LTBP2: variants seen among roughly 807,000 people sequenced by gnomAD.
The protein encoded by LTBP2 is latent transforming growth factor beta binding protein 2, also known as latent-transforming growth factor beta-binding protein 2.
A neutral mutation model predicts 210.6 loss-of-function variants in LTBP2; 103 were observed. That is an observed-to-expected ratio of 0.49 (90% CI 0.42 to 0.58). The LOEUF is 0.58. Ranked by LOEUF, LTBP2 falls within the 20% of genes least tolerant of loss-of-function variation. LTBP2 has a pLI of 0.00. For synonymous variants in LTBP2, 1,007 were observed against 1,015.0 expected (o/e 0.99, Z 0.15); for missense variants, 2,313 against 2,494.5 (o/e 0.93, Z 1.55).
intron 3 of LTBP2, among the ~76,000 whole-genome samples, chr14:74,583,065 T>G (rs1056348331): frequency 9.8e-5 from 15 of 152,288 alleles, no homozygotes; most frequent in African/African-American, 3.6e-4. Context: ...CTGGACAGCA[T>G]CAGTCCACAT....
At chr14:74,570,079 C>A (rs1189125636) in intron 3 of LTBP2, among the ~76,000 whole-genome samples, 1 of 151,954 alleles carries the variant, frequency 6.6e-6, no homozygotes, top group Admixed American at 6.5e-5. Flanking sequence ...AGGGACCTGG[C>A]AAGTGCTACA....
chr14:74,607,533 G>A (rs1037700127), intron 1 of LTBP2, among the ~76,000 whole-genome samples: 4 of 152,068 alleles, frequency 2.6e-5, no homozygotes, highest in Admixed American at 2.0e-4. Flanking sequence ...TCATCTAAAT[G>A]TCCAAAAACA....
intron 4 of LTBP2, among the ~76,000 whole-genome samples, chr14:74,554,244 A>G (rs1440653471): frequency 1.3e-5 from 2 of 152,188 alleles, no homozygotes; most frequent in Non-Finnish European, 2.9e-5. Context: ...TCACGCCTGC[A>G]GTCCCAGTAC....
At chr14:74,605,559 G>A (rs2088514314) in intron 1 of LTBP2, among the ~76,000 whole-genome samples, 1 of 152,210 alleles carries the variant, frequency 6.6e-6, no homozygotes, top group African/African-American at 2.4e-5. Context: ...CCCTTGTGGT[G>A]GTGACAAGAC....
intron 13 of LTBP2, 145 bp downstream of exon 13, chr14:74,527,202 G>T: frequency 1.9e-6 from 2 of 1,028,480 alleles, no homozygotes; most frequent in South Asian, 1.4e-5. Flanking sequence ...CCTCCCACTT[G>T]GTCATCTCTT....
At position 74,508,697 on chromosome 14, in the gene LTBP2, C is replaced by T. The variant is rs752025206; in HGVS notation, c.3559G>A (p.Ala1187Thr). 13 of 1,613,576 alleles carry T rather than the reference C, an allele frequency of 8.1e-6. 1 individual carries two copies. The highest frequency in any genetic ancestry group is 4.4e-5 in the South Asian group (4 of 91,092). Reference sequence around the variant, plus strand: ...CTGTTGAGGCACTCGCCGTGGGGTGCGCAGTGCTCCTCCCCCATGCACTCA... The same window carrying T: ...CTGTTGAGGCACTCGCCGTGGGGTGTGCAGTGCTCCTCCCCCATGCACTCA... ...VNECMGEEHC[A>T]PHGECLNSHG... is the part of the protein sequence containing the mutation. The change falls in exon 24 of 36, where the codon GCA becomes ACA. Residue 1187 changes from alanine (A) to threonine (T), a missense_variant. This residue lies in a region of LTBP2 where 1,867 missense variants were observed against 1,976.9 expected (regional missense o/e 0.94). Coordinates refer to ENST00000261978, the MANE Select transcript of LTBP2 (RefSeq NM_000428.3).
chr14:74,547,486 T>A (rs892302021), intron 8 of LTBP2, among the ~76,000 whole-genome samples: 1 of 152,136 alleles, frequency 6.6e-6, no homozygotes. Context: ...GTTTCTCAGC[T>A]GCACCACTCC....
intron 3 of LTBP2, among the ~76,000 whole-genome samples, chr14:74,565,490 G>A (rs1258985022): frequency 6.6e-6 from 1 of 152,188 alleles, no homozygotes; most frequent in Non-Finnish European, 1.5e-5. Flanking sequence ...GGATGCAAGG[G>A]CTATTTCAGA....
At chr14:74,593,695 G>A (rs1048536771) in intron 2 of LTBP2, among the ~76,000 whole-genome samples, 3 of 152,116 alleles carry the variant, frequency 2.0e-5, no homozygotes, top group African/African-American at 7.2e-5. Context: ...CCCACATGTG[G>A]CTCAGGGCTA....
intron 3 of LTBP2, among the ~76,000 whole-genome samples, chr14:74,581,903 GCCA>G (rs1209235899): frequency 2.6e-5 from 4 of 152,088 alleles, no homozygotes; most frequent in African/African-American, 9.7e-5. Context: ...CCTGCTGGAA[GCCA>G]CCACCACAGG....
intron 2 of LTBP2, among the ~76,000 whole-genome samples, chr14:74,587,022 G>T (rs2088215337): frequency 6.6e-6 from 1 of 152,176 alleles, no homozygotes. Context: ...CAGCTCCCCA[G>T]GCTGACTCCT....
At chr14:74,518,953 A>G (rs2087168011) in intron 17 of LTBP2, among the ~76,000 whole-genome samples, 1 of 152,244 alleles carries the variant, frequency 6.6e-6, no homozygotes, top group Non-Finnish European at 1.5e-5. Context: ...CCCTGAGGTC[A>G]GGACGACTGT....
intron 3 of LTBP2, among the ~76,000 whole-genome samples, chr14:74,556,640 C>T (rs1437901380): frequency 6.6e-6 from 1 of 152,192 alleles, no homozygotes; most frequent in East Asian, 1.9e-4. Context: ...CCTCAGCCTC[C>T]CCAGTAGCTA....
In LTBP2 at chr14:74,514,074, A is replaced by G. The variant is rs143214805; in HGVS notation, c.2909-2710T>C. Among the ~76,000 whole-genome samples, 13 of 152,360 alleles carry G rather than the reference A, an allele frequency of 8.5e-5. No homozygotes were observed. In the East Asian group the frequency reaches 2.3e-3, roughly 27 times the overall value. ...AGCCAAGCCAATCCAAAGGAGCCAG[A>G]GGAAGATTCCGAATGAAGCAGATTC... On this transcript the variant is annotated intron_variant, in intron 18 of 35. Coordinates refer to ENST00000261978, the MANE Select transcript of LTBP2 (RefSeq NM_000428.3).
At chr14:74,575,762 G>T (rs2088049842) in intron 3 of LTBP2, among the ~76,000 whole-genome samples, 1 of 152,242 alleles carries the variant, frequency 6.6e-6, no homozygotes, top group African/African-American at 2.4e-5. Flanking sequence ...GGTGGTGAAG[G>T]AAGTTCTTGG....
rs2086992072 is a variant in LTBP2 at position 74,506,785 on chromosome 14, G to A, written c.3946C>T (p.His1316Tyr). The A allele has an allele frequency of 6.2e-7, 1 of 1,614,008 alleles. No individual in the cohort carries two copies. Among genetic ancestry groups the A allele is most frequent in the African/African-American group, 1.3e-5 (1 of 74,942 alleles). ...CCATCAGTGTTGTCACAGAAGCCGT[G>A]GCTGCCACACATGGTGTCGTTGGCG... The part of the protein sequence containing the change: ...ECANDTMCGS[H>Y]GFCDNTDGSF... Residue 1316 changes from histidine to tyrosine, a missense_variant, in exon 27 of 36, where the codon CAC becomes TAC. Coordinates refer to ENST00000261978, the MANE Select transcript of LTBP2 (RefSeq NM_000428.3).
chr14:74,551,368 A>G lies in LTBP2; in HGVS notation c.1400-18T>C, dbSNP rs761512170. On this transcript the variant is annotated intron_variant, in intron 6 of 35. Coordinates refer to ENST00000261978, the MANE Select transcript of LTBP2 (RefSeq NM_000428.3). Reference sequence around the variant, plus strand: ...CACGGAGGCTGGGCACAGGGGCTAGAGTCAGAGCCAGGGAAGCAGGGCCCC... The same window carrying G: ...CACGGAGGCTGGGCACAGGGGCTAGGGTCAGAGCCAGGGAAGCAGGGCCCC... The G allele has an allele frequency of 1.3e-6, 2 of 1,542,280 alleles. No homozygotes were observed. The highest frequency in any genetic ancestry group is 2.7e-5 in the African/African-American group (2 of 73,808).
At chr14:74,517,168 G>A (rs1303604016) in intron 17 of LTBP2, among the ~76,000 whole-genome samples, 2 of 152,110 alleles carry the variant, frequency 1.3e-5, no homozygotes, top group African/African-American at 2.4e-5. Flanking sequence ...TTTCTCTCAG[G>A]GGAGTCTACT....
rs1014767339 is a variant in LTBP2 at position 74,522,734 on chromosome 14, C to T, written c.2659+56G>A. 20 of 1,568,936 alleles carry T rather than the reference C, an allele frequency of 1.3e-5. No individual in the cohort carries two copies. The Admixed American group carries it at 2.7e-4, about 21-fold the overall frequency. ...CTGGACTCTCAACTCGGCCTCTTAG[C>T]CCCTGCTCCCATCTACCCCAGCCGC... is the stretch of plus-strand genomic sequence containing the variant. On this transcript the variant is annotated intron_variant, in intron 16 of 35. Transcript: ENST00000261978.
Sources: gnomAD v4.1 joint callset for allele counts (sites outside exome capture counted in the v4.1 genomes callset) on GRCh38, gnomAD v4.1.1 for gene constraint, gnomAD v4.1.1 regional missense constraint, MANE v1.5 for transcripts, NCBI Gene and HGNC (gene_info 2026-07-23, HGNC 2026-07-21) for gene names.